NBAS: variants seen among roughly 807,000 people sequenced by gnomAD.
NBAS encodes NBAS subunit of NRZ tethering complex, also known as NAG/BC035112 fusion.
NBAS carries 219 observed loss-of-function variants against 302.5 expected under a neutral mutation model. The observed-to-expected ratio is 0.72, with a 90% CI of 0.65 to 0.81. NBAS has a LOEUF of 0.81. Ranked by LOEUF, NBAS falls within the 30% of genes least tolerant of loss-of-function variation. NBAS has a pLI of 0.00. For missense variants in NBAS, 2,932 were observed against 2,841.6 expected (o/e 1.03, Z -0.72); for synonymous variants, 1,118 against 1,021.6 (o/e 1.09, Z -1.80).
In NBAS at chr2:15,256,895, C is replaced by G. The variant is rs1056543741; in HGVS notation, c.5725-18209G>C. Among the ~76,000 whole-genome samples, 4 of 152,142 alleles carry G rather than the reference C, an allele frequency of 2.6e-5. No homozygotes were observed. The East Asian group carries it at 7.7e-4, about 29-fold the overall frequency. On this transcript the variant is annotated intron_variant, in intron 44 of 51. Coordinates refer to ENST00000281513, the MANE Select transcript of NBAS (RefSeq NM_015909.4). ...CATATGTTAATTCATCCCTGCATCC[C>G]TGGTATAAAACCCATTTGATTATGC...
At chr2:15,435,842 A>G (rs1207145302) in intron 21 of NBAS, among the ~76,000 whole-genome samples, 11 of 152,152 alleles carry the variant, frequency 7.2e-5, no homozygotes, top group Admixed American at 2.0e-4. Flanking sequence ...ATCTATTGTT[A>G]ATTTCCTAGA....
the NBAS span, among the ~76,000 whole-genome samples, chr2:15,107,931 C>T: frequency 6.6e-6 from 1 of 152,062 alleles, no homozygotes; most frequent in African/African-American, 2.4e-5. Context: ...CCTATGGAAT[C>T]ATATAGTATC....
At chr2:14,986,505 A>C in the NBAS span, among the ~76,000 whole-genome samples, 1 of 152,142 alleles carries the variant, frequency 6.6e-6, no homozygotes, top group Non-Finnish European at 1.5e-5. Flanking sequence ...ACATTTCATT[A>C]GTCTCTTCAA....
intron 49 of NBAS, among the ~76,000 whole-genome samples, chr2:15,187,370 CTT>C (rs935403285): frequency 2.6e-5 from 4 of 151,972 alleles, no homozygotes; most frequent in African/African-American, 9.7e-5. Context: ...AATACTGCCT[CTT>C]GTTGATATTA....
intron 10 of NBAS, among the ~76,000 whole-genome samples, chr2:15,506,159 T>G (rs946834334): frequency 6.6e-6 from 1 of 151,984 alleles, no homozygotes; most frequent in Non-Finnish European, 1.5e-5. Context: ...GCAGTAACAT[T>G]TGGATTGCCA....
At chr2:15,023,805 T>G in the NBAS span, among the ~76,000 whole-genome samples, 1 of 148,316 alleles carries the variant, frequency 6.7e-6, no homozygotes, top group Non-Finnish European at 1.5e-5. Flanking sequence ...TCTTTGAATA[T>G]TAAAAATATT....
intron 29 of NBAS, 118 bp from the exon 30 acceptor site, chr2:15,379,949 G>A: frequency 1.2e-6 from 1 of 853,016 alleles, no homozygotes; most frequent in Non-Finnish European, 1.9e-6. Flanking sequence ...TAGAGGTGGT[G>A]GCTGCACAGC....
the NBAS span, among the ~76,000 whole-genome samples, chr2:14,919,756 C>T: frequency 2.0e-5 from 3 of 152,170 alleles, no homozygotes; most frequent in African/African-American, 7.2e-5. Context: ...GCAGCAACCC[C>T]TCACGTACTC....
chr2:14,810,435 C>T, the NBAS span, among the ~76,000 whole-genome samples: 90 of 152,350 alleles, frequency 5.9e-4, no homozygotes, highest in African/African-American at 2.0e-3. Context: ...CACAAGCTCT[C>T]TCTTTGCCTG....
At chr2:15,462,377 A>G (rs1679544449) in intron 19 of NBAS, among the ~76,000 whole-genome samples, 1 of 152,166 alleles carries the variant, frequency 6.6e-6, no homozygotes. Context: ...AGGACAGAGA[A>G]GTGGCCCACA....
chr2:14,875,815 C>A, the NBAS span, among the ~76,000 whole-genome samples: 1 of 152,090 alleles, frequency 6.6e-6, no homozygotes, highest in Non-Finnish European at 1.5e-5. Context: ...ATGTCTGGCC[C>A]ATGTAAAGGC....
At position 15,232,493 on chromosome 2, in the gene NBAS, A is replaced by T; in HGVS notation, c.6165T>A (p.Leu2055=). Residue 2055 remains leucine (L), a synonymous_variant, in exon 47 of 52, where the codon CTT becomes CTA. Transcript: ENST00000281513. ...CCTTCAGTGGGTCCCTTGGCCCACC[A>T]AGGTCAGCACTGCCACCACTGTGAA... is the stretch of plus-strand genomic sequence containing the variant. ...ISALSGGSAD[L]GGPRDPLKVL... The T allele has an allele frequency of 1.9e-6, 3 of 1,613,924 alleles. No homozygotes were observed. The highest frequency in any genetic ancestry group is 2.5e-6 in the Non-Finnish European group (3 of 1,179,982).
chr2:14,960,987 G>A, the NBAS span, among the ~76,000 whole-genome samples: 1 of 152,058 alleles, frequency 6.6e-6, no homozygotes, highest in Admixed American at 6.6e-5. Flanking sequence ...CTTAAGGAAG[G>A]GCTCAAAGAT....
intron 29 of NBAS, among the ~76,000 whole-genome samples, chr2:15,380,548 A>G (rs1158373800): frequency 6.8e-6 from 1 of 146,604 alleles, no homozygotes; most frequent in African/African-American, 2.5e-5. Context: ...TTTTAATAAC[A>G]TACATATTAA....
In NBAS at chr2:15,166,918, G is replaced by A. The variant is rs920821801; in HGVS notation, c.*130C>T. The A allele has an allele frequency of 1.2e-5, 15 of 1,243,132 alleles. No individual in the cohort carries two copies. The highest frequency in any genetic ancestry group is 5.3e-5 in the Admixed American group (2 of 37,534). The allele number at this position is 1,243,132 out of a possible 1,614,324, so 77.0% of individuals were successfully genotyped here. ...TTAAAAAAGCGGCAGCTTGCTCATC[G>A]TTTCCATACAGTTTTATTTGCAATT... On this transcript the variant is annotated 3_prime_UTR_variant, in exon 52 of 52. Coordinates refer to ENST00000281513, the MANE Select transcript of NBAS (RefSeq NM_015909.4).
At chr2:14,888,522 C>T in the NBAS span, among the ~76,000 whole-genome samples, 19,332 of 151,976 alleles carry the variant, frequency 0.13, 2,392 homozygotes, top group African/African-American at 0.32. Flanking sequence ...TCTCTATATC[C>T]ATCAAAACTA....
At chr2:15,110,998 A>C in the NBAS span, among the ~76,000 whole-genome samples, 1 of 152,188 alleles carries the variant, frequency 6.6e-6, no homozygotes, top group Non-Finnish European at 1.5e-5. Flanking sequence ...TACATCTATA[A>C]GAAAAGAAAC....
At chr2:15,523,848 ATGT>A (rs1384918583) in intron 9 of NBAS, among the ~76,000 whole-genome samples, 1 of 152,162 alleles carries the variant, frequency 6.6e-6, no homozygotes. Flanking sequence ...TGGAAGACAG[ATGT>A]TGTAGTAAGC....
chr2:14,977,148 A>G, the NBAS span, among the ~76,000 whole-genome samples: 1 of 152,230 alleles, frequency 6.6e-6, no homozygotes, highest in Non-Finnish European at 1.5e-5. Flanking sequence ...AGCATTAGCC[A>G]TAGCCAGTAT....
Sources: gnomAD v4.1 joint callset for allele counts (sites outside exome capture counted in the v4.1 genomes callset) on GRCh38, gnomAD v4.1.1 for gene constraint, MANE v1.5 for transcripts, NCBI Gene and HGNC (gene_info 2026-07-23, HGNC 2026-07-21) for gene names.